Variants in ADARB2 observed in about 807,000 individuals in gnomAD.
ADARB2 encodes inactive double-stranded RNA-specific editase B2.
Under a neutral mutation model 62.2 loss-of-function variants are expected in ADARB2, and 25 were observed. That is an observed-to-expected ratio of 0.40 (90% CI 0.29 to 0.56). The LOEUF (loss-of-function observed/expected upper bound fraction) is 0.56, where lower values mean the gene tolerates loss of function less well. ADARB2 is among the 20% of genes least tolerant of loss of function. The probability of loss-of-function intolerance (pLI) is 0.43; values close to 1 mark genes in which losing one functional copy is unlikely to be tolerated. For synonymous variants in ADARB2, 572 were observed against 500.8 expected (o/e 1.14, Z -1.90); for missense variants, 1,071 against 1,077.4 (o/e 0.99, Z 0.08).
At chr10:1,357,816 A>G (rs1832210665) in intron 3 of ADARB2, among the ~76,000 whole-genome samples, 1 of 152,256 alleles carries the variant, frequency 6.6e-6, no homozygotes, top group African/African-American at 2.4e-5. Context: ...TGTTGTAGAC[A>G]CACGAGCCCC....
intron 1 of ADARB2, among the ~76,000 whole-genome samples, chr10:1,625,911 G>A (rs1216844794): frequency 1.9e-5 from 1 of 52,566 alleles, no homozygotes; most frequent in Non-Finnish European, 3.7e-5. Flanking sequence ...GCCTGACCCT[G>A]CGCTCTCTCC....
At chr10:1,422,847 C>A (rs538898842) in intron 1 of ADARB2, among the ~76,000 whole-genome samples, 2 of 152,164 alleles carry the variant, frequency 1.3e-5, no homozygotes, top group African/African-American at 2.4e-5. Flanking sequence ...TATGGCCACA[C>A]GCAAACTCCG....
intron 2 of ADARB2, among the ~76,000 whole-genome samples, chr10:1,372,760 G>A (rs531957455): frequency 2.6e-5 from 4 of 152,150 alleles, no homozygotes; most frequent in African/African-American, 9.7e-5. Context: ...AGTCCACTCC[G>A]AAATTTATTA....
chr10:1,340,086 T>C (rs9419485), intron 3 of ADARB2, among the ~76,000 whole-genome samples: 1,695 of 138,758 alleles, frequency 0.012, 52 homozygotes, highest in African/African-American at 0.045. Context: ...GAGAACCACG[T>C]GCCCCACAGC....
At chr10:1,507,794 C>T (rs1831871155) in intron 1 of ADARB2, among the ~76,000 whole-genome samples, 1 of 152,180 alleles carries the variant, frequency 6.6e-6, no homozygotes, top group African/African-American at 2.4e-5. Context: ...GCTTTCCTGG[C>T]ACGTACACGG....
intron 1 of ADARB2, among the ~76,000 whole-genome samples, chr10:1,469,594 T>C (rs1010509401): frequency 3.9e-5 from 6 of 152,204 alleles, no homozygotes; most frequent in African/African-American, 1.4e-4. Context: ...AATCAGTTTA[T>C]TGAATTGGTT....
chr10:1,623,342 T>C (rs541969085), intron 1 of ADARB2, among the ~76,000 whole-genome samples: 56 of 152,348 alleles, frequency 3.7e-4, no homozygotes, highest in African/African-American at 1.3e-3. Context: ...GGGCAAAGTC[T>C]ATTGAATGGA....
chr10:1,636,257 C>G (rs977910025), intron 1 of ADARB2, among the ~76,000 whole-genome samples: 1 of 152,232 alleles, frequency 6.6e-6, no homozygotes, highest in Admixed American at 6.5e-5. Flanking sequence ...TGGCTCACGC[C>G]TGTAATCCCA....
intron 5 of ADARB2, 36 bp downstream of exon 5, chr10:1,242,095 G>C (rs371764681): frequency 9.6e-6 from 15 of 1,561,518 alleles, no homozygotes; most frequent in Middle Eastern, 4.1e-4. Flanking sequence ...CAGCCGCGGC[G>C]TCCGCCTTCC....
rs57460873 is a variant in ADARB2 at position 1,546,010 on chromosome 10, T to TA, written c.101-166851dup. On this transcript the variant is annotated intron_variant, in intron 1 of 9. Coordinates refer to ENST00000381312, the MANE Select transcript of ADARB2 (RefSeq NM_018702.4). ...CCTCAGGAAATGACCCTTAGTCCTTTAAAAAAAAAAAGAAAGCACCAAGGA... is the reference window on the plus strand; with the variant it reads ...CCTCAGGAAATGACCCTTAGTCCTTTAAAAAAAAAAAAGAAAGCACCAAGGA... 0.013 allele frequency among the ~76,000 whole-genome samples: 1,947 copies of TA among 148,854 alleles called. 62 individuals are homozygous for TA. In the East Asian group the frequency reaches 0.14, roughly 10 times the overall value.
intron 2 of ADARB2, 116 bp from the exon 3 acceptor site, chr10:1,364,033 T>C (rs11250463): frequency 0.31 from 422,400 of 1,341,386 alleles, 70,487 homozygotes; most frequent in Middle Eastern, 0.4. Flanking sequence ...CGCCCCCAGG[T>C]CAGGCCTGAG....
intron 1 of ADARB2, among the ~76,000 whole-genome samples, chr10:1,390,748 C>A (rs1832562903): frequency 6.6e-6 from 1 of 152,210 alleles, no homozygotes; most frequent in African/African-American, 2.4e-5. Flanking sequence ...CAAAGTCCTT[C>A]AGAGCCAACT....
chr10:1,480,131 A>C (rs1564302749), intron 1 of ADARB2, among the ~76,000 whole-genome samples: 1 of 152,360 alleles, frequency 6.6e-6, no homozygotes, highest in South Asian at 2.1e-4. Flanking sequence ...CTAGAACAGG[A>C]CAAAGAGAAA....
intron 3 of ADARB2, among the ~76,000 whole-genome samples, chr10:1,310,352 T>C (rs1348882737): frequency 1.3e-5 from 2 of 152,070 alleles, no homozygotes; most frequent in Non-Finnish European, 2.9e-5. Context: ...TACGAAGATG[T>C]TGGAATCAAT....
At position 1,689,424 on chromosome 10, in the gene ADARB2, A is replaced by C. The variant is rs181763896; in HGVS notation, c.100+47627T>G. On this transcript the variant is annotated intron_variant, in intron 1 of 9. Coordinates refer to ENST00000381312, the MANE Select transcript of ADARB2 (RefSeq NM_018702.4). Reference sequence around the variant, plus strand: ...CTGCCAACCTGACTTGTTTTCCCTAATTAGGACTCCACAGTACCCCTTCAC... The same window carrying C: ...CTGCCAACCTGACTTGTTTTCCCTACTTAGGACTCCACAGTACCCCTTCAC... Among the ~76,000 whole-genome samples, 4 of 152,228 alleles carry C rather than the reference A, an allele frequency of 2.6e-5. No individual in the cohort carries two copies. In the East Asian group the frequency reaches 7.7e-4, roughly 29 times the overall value.
rs543364884 is a variant in ADARB2, at chr10:1,345,531, C to T, written c.1077+17497G>A. Among the ~76,000 whole-genome samples the T allele has an allele frequency of 5.3e-5, 8 of 152,298 alleles. No individual in the cohort carries two copies. In the South Asian group the frequency reaches 1.7e-3, roughly 32 times the overall value. ...GTCAGAGCTCAACTGACCCCATGTCCTCCTGCCCTTGGGAACTGAGCCAGC... is the reference window on the plus strand; with the variant it reads ...GTCAGAGCTCAACTGACCCCATGTCTTCCTGCCCTTGGGAACTGAGCCAGC... On this transcript the variant is annotated intron_variant, in intron 3 of 9. Coordinates refer to ENST00000381312, the MANE Select transcript of ADARB2 (RefSeq NM_018702.4).
rs114851904 is a variant in ADARB2, at chr10:1,194,254, C to T, written c.1864+5712G>A. Among the ~76,000 whole-genome samples the T allele has an allele frequency of 6.7e-4, 102 of 152,316 alleles. 1 individual carries two copies. The highest frequency in any genetic ancestry group is 2.4e-3 in the African/African-American group (100 of 41,568). On this transcript the variant is annotated intron_variant, in intron 8 of 9. Transcript: ENST00000381312. ...TTTGAATAGAGCAGGTTATGCTCTG[C>T]AACATGGCTGGGCTTCGTCCAATCT... is the stretch of plus-strand genomic sequence containing the variant.
chr10:1,576,438 A>G (rs1206917488), intron 1 of ADARB2, among the ~76,000 whole-genome samples: 1 of 152,148 alleles, frequency 6.6e-6, no homozygotes, highest in Non-Finnish European at 1.5e-5. Context: ...GGGCCATTGC[A>G]GGAGGGCTCT....
chr10:1,267,158 C>T (rs75780351), intron 4 of ADARB2, among the ~76,000 whole-genome samples: 1 of 151,020 alleles, frequency 6.6e-6, no homozygotes, highest in South Asian at 2.1e-4. Context: ...AAAAACCTTT[C>T]CCCCTCCCGG....
Sources: gnomAD v4.1 joint callset for allele counts (sites outside exome capture counted in the v4.1 genomes callset) on GRCh38, gnomAD v4.1.1 for gene constraint, MANE v1.5 for transcripts, NCBI Gene and HGNC (gene_info 2026-07-23, HGNC 2026-07-21) for gene names.